The following KDM1A variants were observed in gnomAD, a reference collection of about 807,000 sequenced individuals.
KDM1A encodes the protein lysine demethylase 1A, also known as lysine-specific histone demethylase 1A.
A neutral mutation model predicts 109.4 loss-of-function variants in KDM1A; 49 were observed. The observed-to-expected ratio is 0.45, with a 90% CI of 0.36 to 0.57. The LOEUF is 0.57. Ranked by LOEUF, KDM1A falls within the 20% of genes least tolerant of loss-of-function variation. The pLI is 0.00. For synonymous variants in KDM1A, 380 were observed against 415.4 expected (o/e 0.91, Z 1.04); for missense variants, 668 against 1,116.6 (o/e 0.60, Z 5.73).
Position 23,019,750 on chromosome 1 carries a change from C to T in KDM1A, c.154C>T (p.Pro52Ser), listed in dbSNP as rs576500517. Residue 52 changes from proline to serine, a missense_variant, in exon 1 of 21, where the codon CCG becomes TCG. Transcript: ENST00000400181. ...CCTGTCGGGCCCAGCCGAGGTCGGG[C>T]CGGGGGCGGTGGGGGAGCGCACACC... ...AGLSGPAEVG[P>S]GAVGERTPRK... 39 of 1,342,838 alleles carry T rather than the reference C, an allele frequency of 2.9e-5. No homozygotes were observed. The East Asian group carries it at 9.1e-4, about 31-fold the overall frequency. 83.2% of individuals were successfully genotyped at this position (1,342,838 alleles called of 1,614,324 possible).
intron 2 of KDM1A, among the ~76,000 whole-genome samples, chr1:23,033,446 C>T (rs141902495): frequency 5.7e-4 from 87 of 151,982 alleles, no homozygotes; most frequent in African/African-American, 5.5e-4. Flanking sequence ...TGCTTGAACC[C>T]GGGAGGCAGA....
chr1:23,030,324 A>G (rs572830037), intron 1 of KDM1A, 145 bp from the exon 2 acceptor site: 3 of 516,916 alleles, frequency 5.8e-6, no homozygotes, highest in East Asian at 3.4e-5. Flanking sequence ...ATAACTACCT[A>G]TTATGAGCTG....
At chr1:23,071,182 A>G in intron 12 of KDM1A, 43 bp from the exon 13 acceptor site, 4 of 1,547,280 alleles carry the variant, frequency 2.6e-6, no homozygotes, top group East Asian at 2.2e-5. Flanking sequence ...GACATAAACT[A>G]CATTGCTATC....
Position 23,021,359 on chromosome 1 carries a change from G to A in KDM1A, c.351+1412G>A, listed in dbSNP as rs573944513. ...GGTGGCCAGAAGCCACGTATAAGATGTTTTTAAAAACAGATTTATTGGCTG... is the reference window on the plus strand; with the variant it reads ...GGTGGCCAGAAGCCACGTATAAGATATTTTTAAAAACAGATTTATTGGCTG... On this transcript the variant is annotated intron_variant, in intron 1 of 20. Transcript: ENST00000400181. Among the ~76,000 whole-genome samples the A allele has an allele frequency of 6.6e-5, 10 of 152,262 alleles. No individual in the cohort carries two copies. In the South Asian group the frequency reaches 2.1e-3, roughly 32 times the overall value.
chr1:23,036,881 A>C (rs1406493197), intron 2 of KDM1A, among the ~76,000 whole-genome samples: 1 of 152,180 alleles, frequency 6.6e-6, no homozygotes, highest in Non-Finnish European at 1.5e-5. Context: ...TTCCTCATTG[A>C]CTTTATTCTA....
chr1:23,057,344 C>T, intron 7 of KDM1A, 140 bp from the exon 8 acceptor site: 1 of 640,010 alleles, frequency 1.6e-6, no homozygotes, highest in Non-Finnish European at 2.8e-6. Flanking sequence ...TCTTTGTGCC[C>T]ATAGTACTGT....
chr1:23,080,294 A>G (rs1416941284), intron 18 of KDM1A, among the ~76,000 whole-genome samples: 1 of 152,126 alleles, frequency 6.6e-6, no homozygotes, highest in South Asian at 2.1e-4. Flanking sequence ...CAGAGGGGGA[A>G]CTTGGCTCCC....
chr1:23,033,733 T>C (rs1217130082), intron 2 of KDM1A, among the ~76,000 whole-genome samples: 1 of 152,148 alleles, frequency 6.6e-6, no homozygotes, highest in Non-Finnish European at 1.5e-5. Flanking sequence ...GGGAGAGTAC[T>C]GAGAGGAAGC....
chr1:23,053,893 G>A (rs544971719), intron 5 of KDM1A, 54 bp downstream of exon 5: 24 of 924,832 alleles, frequency 2.6e-5, no homozygotes, highest in South Asian at 8.1e-5. Flanking sequence ...AAATTGATAC[G>A]TTCTTCTAGG....
chr1:23,062,882 C>T (rs1489402713), intron 9 of KDM1A, among the ~76,000 whole-genome samples: 2 of 152,110 alleles, frequency 1.3e-5, no homozygotes, highest in African/African-American at 4.8e-5. Flanking sequence ...ATAAAACAGT[C>T]AGAGCTAGTA....
At chr1:23,030,140 T>G (rs1641938517) in intron 1 of KDM1A, among the ~76,000 whole-genome samples, 1 of 152,242 alleles carries the variant, frequency 6.6e-6, no homozygotes, top group Non-Finnish European at 1.5e-5. Context: ...GTCATTTTAT[T>G]CTTTTGTTGG....
At chr1:23,035,747 TATA>T (rs139376038) in intron 2 of KDM1A, among the ~76,000 whole-genome samples, 10 of 152,330 alleles carry the variant, frequency 6.6e-5, no homozygotes, top group Non-Finnish European at 1.0e-4. Context: ...CAAATGCTGT[TATA>T]ATGAAAATTT....
chr1:23,064,930 A>C (rs2124497725), intron 9 of KDM1A, among the ~76,000 whole-genome samples: 2 of 152,324 alleles, frequency 1.3e-5, no homozygotes, highest in Admixed American at 1.3e-4. Context: ...AGTGATGTCC[A>C]TTTTGTTTGC....
intron 2 of KDM1A, among the ~76,000 whole-genome samples, chr1:23,042,018 CAAG>C (rs1642351896): frequency 6.6e-6 from 1 of 151,996 alleles, no homozygotes; most frequent in African/African-American, 2.4e-5. Flanking sequence ...AAAAATCAGT[CAAG>C]AGCTACCTGT....
At chr1:23,026,589 C>T (rs893387258) in intron 1 of KDM1A, among the ~76,000 whole-genome samples, 3 of 151,892 alleles carry the variant, frequency 2.0e-5, no homozygotes, top group African/African-American at 7.3e-5. Context: ...GCTATTTTGC[C>T]CAGGCTGGTC....
intron 9 of KDM1A, among the ~76,000 whole-genome samples, chr1:23,060,457 AAT>A (rs2124482872): frequency 6.6e-6 from 1 of 152,274 alleles, no homozygotes; most frequent in Non-Finnish European, 1.5e-5. Flanking sequence ...ATCATCCATA[AAT>A]ATATTAATAC....
At chr1:23,032,385 G>T (rs778854495) in intron 2 of KDM1A, among the ~76,000 whole-genome samples, 1 of 149,048 alleles carries the variant, frequency 6.7e-6, no homozygotes, top group South Asian at 2.1e-4. Context: ...TTTCATAAAC[G>T]TCAGGTATTG....
chr1:23,073,317 A>G lies in KDM1A; in HGVS notation c.1648A>G (p.Arg550Gly). 1.2e-6 allele frequency: 2 copies of G among 1,604,174 alleles called. No individual in the cohort carries two copies. Among genetic ancestry groups the G allele is most frequent in the Non-Finnish European group, 1.7e-6 (2 of 1,171,472 alleles). Reference protein sequence around the residue: ...PSDVYLSSRDRQILDWHFANL... With the variant: ...PSDVYLSSRDGQILDWHFANL... ...TGATGTATATCTCTCATCAAGAGAC[A>G]GACAAATACTTGATTGGCATTTTGC... The change falls in exon 15 of 21, where the codon AGA (arginine) becomes GGA (glycine). Residue 550 changes from arginine to glycine, a missense_variant. Coordinates refer to ENST00000400181, the MANE Select transcript of KDM1A (RefSeq NM_001009999.3).
intron 13 of KDM1A, 127 bp from the exon 14 acceptor site, chr1:23,071,997 T>C (rs1318359735): frequency 1.6e-6 from 1 of 628,590 alleles, no homozygotes; most frequent in Non-Finnish European, 2.8e-6. Flanking sequence ...CAGCCTAAAA[T>C]TGAGCCACAC....
Sources: gnomAD v4.1 joint callset for allele counts (sites outside exome capture counted in the v4.1 genomes callset) on GRCh38, gnomAD v4.1.1 for gene constraint, MANE v1.5 for transcripts, NCBI Gene and HGNC (gene_info 2026-07-23, HGNC 2026-07-21) for gene names.